The following NKAIN3 variants were observed in gnomAD, a reference collection of about 807,000 sequenced individuals.
The protein encoded by NKAIN3 is sodium/potassium-transporting ATPase subunit beta-1-interacting protein 3.
A neutral mutation model predicts 30.2 loss-of-function variants in NKAIN3; 25 were observed. The observed-to-expected ratio is 0.83, with a 90% CI of 0.60 to 1.16. The LOEUF (loss-of-function observed/expected upper bound fraction) is 1.16. Among genes scored for constraint, NKAIN3 ranks in the 50% most tolerant of loss-of-function variants. The pLI, the probability that NKAIN3 is intolerant of heterozygous loss-of-function variation, is 0.00. For missense variants in NKAIN3, 225 were observed against 254.1 expected, an observed-to-expected ratio of 0.89 and a Z score of 0.78; for synonymous variants, 91 against 89.6, an observed-to-expected ratio of 1.02 and a Z score of -0.09.
chr8:62,787,494 A>ATT (rs1817559977), intron 4 of NKAIN3, among the ~76,000 whole-genome samples: 4 of 152,108 alleles, frequency 2.6e-5, no homozygotes, highest in African/African-American at 4.8e-5. Flanking sequence ...ACAAAGAGGA[A>ATT]AACTCAGTTA....
chr8:62,741,195 A>G (rs1213788389), intron 3 of NKAIN3, among the ~76,000 whole-genome samples: 2 of 152,218 alleles, frequency 1.3e-5, no homozygotes, highest in Non-Finnish European at 2.9e-5. Context: ...CTATGACGTT[A>G]CAGACTTACC....
In NKAIN3 at chr8:62,724,780, G is replaced by A. The variant is rs140869355; in HGVS notation, c.274-22152G>A. ...CCACATTCCCTTTATTCATTCTTTT[G>A]TTGATGGACACTTGTTGCCCCAAAA... On this transcript the variant is annotated intron_variant, in intron 3 of 6. Transcript: ENST00000623646. Among the ~76,000 whole-genome samples, 545 of 151,992 alleles carry A rather than the reference G, an allele frequency of 3.6e-3. 4 individuals are homozygous for A. The highest frequency in any genetic ancestry group is 0.013 in the African/African-American group (525 of 41,484).
intron 1 of NKAIN3, among the ~76,000 whole-genome samples, chr8:62,319,572 C>T (rs1192457023): frequency 6.6e-6 from 1 of 152,066 alleles, no homozygotes; most frequent in East Asian, 1.9e-4. Context: ...TTTATTTCTG[C>T]CTTCATTTCG....
chr8:62,553,530 T>C (rs1282012346), intron 1 of NKAIN3, among the ~76,000 whole-genome samples: 1 of 147,556 alleles, frequency 6.8e-6, no homozygotes, highest in Non-Finnish European at 1.5e-5. Context: ...TGTATTTTTA[T>C]ACTGAACACT....
In NKAIN3 at chr8:62,975,637, G is replaced by A. The variant is rs1169711848; in HGVS notation, c.*10230G>A. Among the ~76,000 whole-genome samples, 7 of 152,046 alleles carry A rather than the reference G, an allele frequency of 4.6e-5. No homozygotes were observed. The highest frequency in any genetic ancestry group is 1.0e-4 in the Non-Finnish European group (7 of 67,988). ...CATCTCCTGTATTCATTGATTTTTT[G>A]AAGGGTTTTTCGTATCTCTTTCAGT... On this transcript the variant is annotated 3_prime_UTR_variant, in exon 7 of 7. Transcript: ENST00000623646.
intron 5 of NKAIN3, among the ~76,000 whole-genome samples, chr8:62,930,192 C>T (rs938479660): frequency 6.6e-6 from 1 of 152,104 alleles, no homozygotes; most frequent in Non-Finnish European, 1.5e-5. Flanking sequence ...TCTCTGTACC[C>T]ATTCAACAAC....
chr8:62,383,894 T>C (rs948707636), intron 1 of NKAIN3, among the ~76,000 whole-genome samples: 3 of 149,394 alleles, frequency 2.0e-5, no homozygotes, highest in Non-Finnish European at 3.0e-5. Flanking sequence ...TTTTTTTTTT[T>C]CCACAGTAGA....
At position 62,999,278 on chromosome 8, in the gene NKAIN3, A is replaced by G. The variant is rs548447723; in HGVS notation, c.580A>G (p.Thr194Ala). 4 of 152,262 alleles carry G rather than the reference A, an allele frequency of 2.6e-5. No homozygotes were observed. The South Asian group carries it at 8.3e-4, about 32-fold the overall frequency. 9.4% of individuals were successfully genotyped at this position (152,262 alleles called of 1,614,324 possible). Residue 194 changes from threonine (T) to alanine (A), a missense_variant, in exon 6 of 6, where the codon ACT (threonine) becomes GCT (alanine). By Grantham distance (58) the Thr-to-Ala change is moderately conservative. Transcript: ENST00000519049. Reference sequence around the variant, plus strand: ...GGCACCTGCTCAGCTTTTGGAAAGGACTCAGGAAGCTTTTACTCATGATGG... The same window carrying G: ...GGCACCTGCTCAGCTTTTGGAAAGGGCTCAGGAAGCTTTTACTCATGATGG...
chr8:62,274,243 C>G (rs538170264), intron 1 of NKAIN3, among the ~76,000 whole-genome samples: 1 of 133,148 alleles, frequency 7.5e-6, no homozygotes, highest in South Asian at 2.6e-4. Context: ...TGGAACCAAA[C>G]TGCATCCCAT....
Position 62,977,564 on chromosome 8 carries a change from C to G in NKAIN3, c.*12157C>G, listed in dbSNP as rs1484520722. 2.0e-5 allele frequency among the ~76,000 whole-genome samples: 3 copies of G among 150,346 alleles called. No individual in the cohort carries two copies. The highest frequency in any genetic ancestry group is 1.3e-4 in the Admixed American group (2 of 15,234). On this transcript the variant is annotated 3_prime_UTR_variant, in exon 7 of 7. Transcript: ENST00000623646. ...TCCATCAGGTCATTTGTGTTCTTCT[C>G]TAAACTGGTTATTCTCTAAACTGGT...
chr8:62,413,921 CTG>C (rs1030260651), intron 1 of NKAIN3, among the ~76,000 whole-genome samples: 9 of 151,804 alleles, frequency 5.9e-5, no homozygotes, highest in Non-Finnish European at 1.0e-4. Flanking sequence ...TTTTTTTAAA[CTG>C]TTTCTCATTA....
At chr8:62,251,130 A>G (rs556149384) in intron 1 of NKAIN3, among the ~76,000 whole-genome samples, 29 of 152,228 alleles carry the variant, frequency 1.9e-4, no homozygotes, top group Admixed American at 1.7e-3. Context: ...ATTTCTTTTG[A>G]CTTTTAAAAC....
chr8:62,456,712 A>G (rs754330408), intron 1 of NKAIN3, among the ~76,000 whole-genome samples: 1 of 152,212 alleles, frequency 6.6e-6, no homozygotes, highest in African/African-American at 2.4e-5. Context: ...TGAACTGATT[A>G]TACAAGTTTC....
At chr8:62,441,889 C>T (rs1308117620) in intron 1 of NKAIN3, among the ~76,000 whole-genome samples, 1 of 151,978 alleles carries the variant, frequency 6.6e-6, no homozygotes, top group Non-Finnish European at 1.5e-5. Context: ...TTCTCCTTAT[C>T]AAGTTAAGGG....
intron 3 of NKAIN3, among the ~76,000 whole-genome samples, chr8:62,667,138 G>T (rs191498957): frequency 4.3e-4 from 52 of 121,008 alleles, no homozygotes; most frequent in African/African-American, 1.4e-3. Context: ...TCACACACTC[G>T]GACCTGTTGT....
At chr8:62,747,527 A>G (rs1296591299) in intron 4 of NKAIN3, among the ~76,000 whole-genome samples, 1 of 152,214 alleles carries the variant, frequency 6.6e-6, no homozygotes, top group Non-Finnish European at 1.5e-5. Context: ...TGCTTGGTCT[A>G]ATAAACCTGA....
chr8:62,359,756 A>G lies in NKAIN3; in HGVS notation c.54+110629A>G, dbSNP rs1462837511. Among the ~76,000 whole-genome samples the G allele has an allele frequency of 2.0e-5, 3 of 152,224 alleles. No individual in the cohort carries two copies. The East Asian group carries it at 5.8e-4, about 29-fold the overall frequency. On this transcript the variant is annotated intron_variant, in intron 1 of 6. Transcript: ENST00000623646. The stretch of plus-strand genomic sequence containing the variant: ...GTGGACAACACATGTAGTTTATGGT[A>G]GGGCTACACAGACAGCACACTAATT...
chr8:62,819,700 TG>T (rs199698943), intron 4 of NKAIN3, among the ~76,000 whole-genome samples: 1 of 151,248 alleles, frequency 6.6e-6, no homozygotes, highest in Non-Finnish European at 1.5e-5. Flanking sequence ...GAGAAATTAC[TG>T]GGAAAAAAAA....
At chr8:62,376,002 A>G (rs919714854) in intron 1 of NKAIN3, among the ~76,000 whole-genome samples, 3 of 152,226 alleles carry the variant, frequency 2.0e-5, no homozygotes, top group Non-Finnish European at 4.4e-5. Context: ...GAAGACAAAG[A>G]GAAGAGATGC....
Sources: gnomAD v4.1 joint callset for allele counts (sites outside exome capture counted in the v4.1 genomes callset) on GRCh38, gnomAD v4.1.1 for gene constraint, MANE v1.5 for transcripts, NCBI Gene and HGNC (gene_info 2026-07-23, HGNC 2026-07-21) for gene names.